Variants in SPAG17 observed in about 807,000 individuals in gnomAD.
SPAG17 encodes the protein sperm associated antigen 17.
Under a neutral mutation model 273.6 loss-of-function variants are expected in SPAG17, and 169 were observed. The observed-to-expected ratio is 0.62, with a 90% CI of 0.55 to 0.70. The LOEUF is 0.70. SPAG17 is among the 30% of genes least tolerant of loss of function. SPAG17 has a pLI of 0.00. For synonymous variants in SPAG17, 825 were observed against 873.2 expected, an observed-to-expected ratio of 0.94 and a Z score of 0.97; for missense variants, 2,557 against 2,627.8, an observed-to-expected ratio of 0.97 and a Z score of 0.59.
At chr1:118,145,490 G>A (rs1222413214) in intron 3 of SPAG17, among the ~76,000 whole-genome samples, 1 of 152,114 alleles carries the variant, frequency 6.6e-6, no homozygotes, top group Non-Finnish European at 1.5e-5. Context: ...GTGTCTTAAA[G>A]TATGGTGAAA....
At chr1:118,150,359 A>G (rs1199481950) in intron 3 of SPAG17, 184 bp downstream of exon 3, 1 of 383,136 alleles carries the variant, frequency 2.6e-6, no homozygotes, top group Non-Finnish European at 4.8e-6. Context: ...GGAAATTTTG[A>G]AATTTTAAAA....
intron 4 of SPAG17, among the ~76,000 whole-genome samples, chr1:118,105,224 AAG>A (rs1656322947): frequency 6.6e-6 from 1 of 152,162 alleles, no homozygotes. Context: ...AAAGGCAGGA[AAG>A]AGGCAGGAGG....
In SPAG17 at chr1:118,074,543, T is replaced by C; in HGVS notation, c.2267A>G (p.Glu756Gly). ...TTCAGAAAAATAATTCCTTACCTTTTCATGAGAATCAGCCTTTGTGACTGC... is the reference window on the plus strand; with the variant it reads ...TTCAGAAAAATAATTCCTTACCTTTCCATGAGAATCAGCCTTTGTGACTGC... ...DDAVTKADSH[E>G]KKPKKMMVEA... The change falls in exon 16 of 49, where the codon GAA becomes GGA. Residue 756 changes from glutamate to glycine, a missense_variant. Transcript: ENST00000336338. 1.2e-6 allele frequency: 2 copies of C among 1,613,280 alleles called. No individual in the cohort carries two copies. Among genetic ancestry groups the C allele is most frequent in the South Asian group, 2.2e-5 (2 of 91,080 alleles).
intron 43 of SPAG17, 24 bp from the exon 44 acceptor site, chr1:117,973,585 A>T (rs754526951): frequency 7.5e-6 from 12 of 1,608,974 alleles, no homozygotes; most frequent in Non-Finnish European, 1.0e-5. Context: ...AGCTTAAATT[A>T]TGCCACATGG....
At chr1:117,995,695 A>AACACACAC (rs10570645) in intron 34 of SPAG17, among the ~76,000 whole-genome samples, 17 of 140,750 alleles carry the variant, frequency 1.2e-4, no homozygotes, top group South Asian at 2.4e-4. Flanking sequence ...AAGATGAAAT[A>AACACACAC]ACACACACAC....
intron 3 of SPAG17, among the ~76,000 whole-genome samples, chr1:118,134,833 C>T (rs377302230): frequency 6.6e-6 from 1 of 152,178 alleles, no homozygotes. Flanking sequence ...CTTTGCATGG[C>T]CTGATTCCTT....
At chr1:117,989,808 G>C (rs1194648055) in intron 38 of SPAG17, among the ~76,000 whole-genome samples, 1 of 151,900 alleles carries the variant, frequency 6.6e-6, no homozygotes, top group African/African-American at 2.4e-5. Context: ...TCCAACACCT[G>C]GGCTCAAGAG....
intron 3 of SPAG17, among the ~76,000 whole-genome samples, chr1:118,144,136 T>C (rs1009634404): frequency 3.9e-5 from 6 of 152,252 alleles, no homozygotes; most frequent in African/African-American, 1.2e-4. Context: ...ACTTGAGTTC[T>C]GCTTTTCTTT....
intron 34 of SPAG17, 93 bp downstream of exon 34, chr1:117,996,277 A>T: frequency 7.0e-7 from 1 of 1,422,234 alleles, no homozygotes; most frequent in Non-Finnish European, 9.4e-7. Context: ...GCAAAGCGGA[A>T]AAAGTAAGAT....
intron 18 of SPAG17, among the ~76,000 whole-genome samples, chr1:118,063,955 C>T (rs1456150405): frequency 1.3e-5 from 2 of 152,146 alleles, no homozygotes; most frequent in African/African-American, 2.4e-5. Context: ...CAAAAGAAGA[C>T]ATTTATGCAG....
rs570852919 is a variant in SPAG17 at position 118,126,080 on chromosome 1, T to A, written c.316-10639A>T. 2.7e-5 allele frequency among the ~76,000 whole-genome samples: 4 copies of A among 146,602 alleles called. No homozygotes were observed. The Admixed American group carries it at 2.8e-4, about 10-fold the overall frequency. On this transcript the variant is annotated intron_variant, in intron 3 of 48. Transcript: ENST00000336338. ...TTTTGATAATAGCCATTCTAACGGG[T>A]GAAATCATATCTCATTATGGTTTTG...
chr1:117,969,996 C>A, intron 46 of SPAG17, 60 bp downstream of exon 46: 1 of 1,511,840 alleles, frequency 6.6e-7, no homozygotes, highest in Non-Finnish European at 9.1e-7. Context: ...TCACTGGAAA[C>A]CTATACATAG....
intron 18 of SPAG17, among the ~76,000 whole-genome samples, chr1:118,062,132 C>T (rs1163507289): frequency 6.6e-6 from 1 of 151,956 alleles, no homozygotes; most frequent in Non-Finnish European, 1.5e-5. Flanking sequence ...CTTTGGGAGG[C>T]CGAGGCGGGC....
rs1571215912 is a variant in SPAG17, at chr1:118,005,443, C to T, written c.4747G>A (p.Val1583Ile). ...MRHTSEVICE[V>I]LDPEGNTFQV... ...AAAGTGTTTCCCTCAGGATCCAGAA[C>T]CTCACAGATAACCTCTGAAGTATGC... The change falls in exon 32 of 49, where the codon GTT (valine) becomes ATT (isoleucine). Residue 1583 changes from valine to isoleucine, a missense_variant. Physicochemically the swap from Val to Ile is conservative, Grantham distance 29. Coordinates refer to ENST00000336338, the MANE Select transcript of SPAG17 (RefSeq NM_206996.4). 6.2e-7 allele frequency: 1 copy of T among 1,610,510 alleles called. No homozygotes were observed. The highest frequency in any genetic ancestry group is 2.2e-5 in the East Asian group (1 of 44,840).
intron 32 of SPAG17, among the ~76,000 whole-genome samples, chr1:118,000,837 G>A (rs1334894837): frequency 6.6e-6 from 1 of 152,050 alleles, no homozygotes; most frequent in Non-Finnish European, 1.5e-5. Flanking sequence ...TGATTGCCCT[G>A]GCCAGAACTT....
intron 21 of SPAG17, 38 bp from the exon 22 acceptor site, chr1:118,040,879 C>T (rs1649674047): frequency 9.6e-6 from 13 of 1,347,218 alleles, no homozygotes; most frequent in Non-Finnish European, 1.4e-5. Context: ...TGTGAAGCTG[C>T]AATAGACAAA....
rs560149077 is a variant in SPAG17 at position 118,005,303 on chromosome 1, ATAAT to A, written c.4776+107_4776+110del. 9.2e-5 allele frequency: 80 copies of A among 872,880 alleles called. No individual in the cohort carries two copies. In the African/African-American group the frequency reaches 1.4e-3, roughly 15 times the overall value. The allele number at this position is 872,880 out of a possible 1,614,324, so 54.1% of individuals were successfully genotyped here. ...TGCCCAAAGTATTGGCAGTAAGTGG[ATAAT>A]TAATCCCAAGGCAACTAAGGTAAAA... is the stretch of plus-strand genomic sequence containing the variant. On this transcript the variant is annotated intron_variant, in intron 32 of 48. Transcript: ENST00000336338.
Position 118,039,339 on chromosome 1 carries a change from TA to T in SPAG17, c.3271del (p.Tyr1091IlefsTer2), listed in dbSNP as rs756303852. 1 of 1,613,534 alleles carries T rather than the reference TA, an allele frequency of 6.2e-7. No homozygotes were observed. Among genetic ancestry groups the T allele is most frequent in the South Asian group, 1.1e-5 (1 of 91,046 alleles). On this transcript the variant is annotated frameshift_variant, in exon 23 of 49. Coordinates refer to ENST00000336338, the MANE Select transcript of SPAG17 (RefSeq NM_206996.4). LOFTEE classifies it high-confidence loss of function. The stretch of plus-strand genomic sequence containing the variant: ...ATCTCCTTCTTCTTCCTCTTCTAAA[TA>T]ATAATCCCCTTTCTCTTCCTTTTTC... ...IVKKEEKGDY[Y>X]LEEEEEGDEE...
At position 117,984,723 on chromosome 1, in the gene SPAG17, G is replaced by A; in HGVS notation, c.5729C>T (p.Pro1910Leu). 6.2e-7 allele frequency: 1 copy of A among 1,610,882 alleles called. No homozygotes were observed. The highest frequency in any genetic ancestry group is 1.1e-5 in the South Asian group (1 of 90,676). ...LMDIKNRIIPPFFKSELNQLY... is the reference protein window; with the variant it reads ...LMDIKNRIIPLFFKSELNQLY... ...CTGGTTCAATTCAGATTTAAAAAAGGGTGGTATTATGCGGTTCTTAATATC... is the reference window on the plus strand; with the variant it reads ...CTGGTTCAATTCAGATTTAAAAAAGAGTGGTATTATGCGGTTCTTAATATC... The change falls in exon 41 of 49, where the codon CCC becomes CTC. Residue 1910 changes from proline (P) to leucine (L), a missense_variant. Physicochemically the swap from Pro to Leu is moderately conservative, Grantham distance 98. Transcript: ENST00000336338.
Sources: gnomAD v4.1 joint callset for allele counts (sites outside exome capture counted in the v4.1 genomes callset) on GRCh38, gnomAD v4.1.1 for gene constraint, MANE v1.5 for transcripts, NCBI Gene and HGNC (gene_info 2026-07-23, HGNC 2026-07-21) for gene names.